PPM1G: variants seen among roughly 807,000 people sequenced by gnomAD.
PPM1G encodes protein phosphatase 1G.
Under a neutral mutation model 59.4 loss-of-function variants are expected in PPM1G, and 12 were observed. That is an observed-to-expected ratio of 0.20 (90% CI 0.13 to 0.33). The LOEUF (loss-of-function observed/expected upper bound fraction) is 0.33. Among genes scored for constraint, PPM1G ranks in the 10% least tolerant of loss-of-function variants. The probability of loss-of-function intolerance (pLI) is 1.00; values close to 1 mark genes in which losing one functional copy is unlikely to be tolerated. For missense variants in PPM1G, 392 were observed against 681.3 expected, an observed-to-expected ratio of 0.58 and a Z score of 4.73; for synonymous variants, 245 against 251.9, an observed-to-expected ratio of 0.97 and a Z score of 0.26.
chr2:27,390,217 A>G (rs1204360263), intron 1 of PPM1G, among the ~76,000 whole-genome samples: 2 of 152,178 alleles, frequency 1.3e-5, no homozygotes, highest in Non-Finnish European at 2.9e-5. Context: ...ACGGGGCTTC[A>G]CCATGTTGCC....
Position 27,383,873 on chromosome 2 carries a change from C to A in PPM1G, c.966+79G>T. On this transcript the variant is annotated intron_variant, in intron 6 of 9. Transcript: ENST00000344034. The surrounding 1 kb of genome is among the most constrained non-coding windows in gnomAD (Gnocchi z 5.0). Reference sequence around the variant, plus strand: ...CCATCCTAAAGTATCAGGGGGATCCCCTGTCTCAAAATCAAAATTAGGGGA... The same window carrying A: ...CCATCCTAAAGTATCAGGGGGATCCACTGTCTCAAAATCAAAATTAGGGGA... 1 of 1,533,948 alleles carries A rather than the reference C, an allele frequency of 6.5e-7. No individual in the cohort carries two copies. Among genetic ancestry groups the A allele is most frequent in the Non-Finnish European group, 8.8e-7 (1 of 1,136,424 alleles).
At position 27,381,236 on chromosome 2, in the gene PPM1G, A is replaced by G. The variant is rs1683614933; in HGVS notation, c.*363T>C. On this transcript the variant is annotated 3_prime_UTR_variant, in exon 10 of 10. Coordinates refer to ENST00000344034, the MANE Select transcript of PPM1G (RefSeq NM_177983.3). ...CTTTAGTCTGAAAAAGTGTTGATTG[A>G]AAGTGTACAACAGAGAGCGGGTGCA... 3.1e-6 allele frequency: 1 copy of G among 324,100 alleles called. No homozygotes were observed. The highest frequency in any genetic ancestry group is 5.8e-6 in the Non-Finnish European group (1 of 172,450). 20.1% of individuals were successfully genotyped at this position (324,100 alleles called of 1,614,324 possible).
At chr2:27,391,114 T>C (rs1002742699) in intron 1 of PPM1G, among the ~76,000 whole-genome samples, 1 of 152,240 alleles carries the variant, frequency 6.6e-6, no homozygotes, top group African/African-American at 2.4e-5. Flanking sequence ...ATTCAATGTT[T>C]TTGCTATTGT....
rs1683618445 is a variant in PPM1G at position 27,381,308 on chromosome 2, A to G, written c.*291T>C. 4.1e-6 allele frequency: 2 copies of G among 487,944 alleles called. No individual in the cohort carries two copies. Among genetic ancestry groups the G allele is most frequent in the Non-Finnish European group, 7.4e-6 (2 of 268,964 alleles). 30.2% of individuals were successfully genotyped at this position (487,944 alleles called of 1,614,324 possible). On this transcript the variant is annotated 3_prime_UTR_variant, in exon 10 of 10. Transcript: ENST00000344034. The stretch of plus-strand genomic sequence containing the variant: ...CGCCAATAAAAAAGAATGTCCTTAA[A>G]TAAAGTTCACAGAGTAAAAACCAGA...
intron 1 of PPM1G, among the ~76,000 whole-genome samples, chr2:27,396,279 T>A (rs780882999): frequency 3.4e-4 from 52 of 151,802 alleles, no homozygotes; most frequent in Non-Finnish European, 5.4e-4. Context: ...CTCAAAAAAA[T>A]TTTTTTTAAA....
At chr2:27,393,516 C>T (rs1490194750) in intron 1 of PPM1G, 5 of 703,190 alleles carry the variant, frequency 7.1e-6, no homozygotes, top group South Asian at 1.5e-5. Flanking sequence ...GGACGAGCGC[C>T]GGGTTCCGTC....
Position 27,383,176 on chromosome 2 carries a change from G to A in PPM1G, c.1201+190C>T, listed in dbSNP as rs191948032. 7.7e-4 allele frequency among the ~76,000 whole-genome samples: 117 copies of A among 151,976 alleles called. No individual in the cohort carries two copies. The highest frequency in any genetic ancestry group is 2.5e-3 in the South Asian group (12 of 4,804). ...CATCATTCAAATGTTACATAAGATGGGTATAATGATACCTATGTATAATGA... is the reference window on the plus strand; with the variant it reads ...CATCATTCAAATGTTACATAAGATGAGTATAATGATACCTATGTATAATGA... On this transcript the variant is annotated intron_variant, in intron 7 of 9. Transcript: ENST00000344034. This position sits in a 1 kb window ranked among gnomAD's most constrained non-coding sequence, Gnocchi z 5.0.
At chr2:27,391,921 G>A (rs765975669) in intron 1 of PPM1G, among the ~76,000 whole-genome samples, 12 of 151,780 alleles carry the variant, frequency 7.9e-5, no homozygotes, top group Non-Finnish European at 1.8e-4. Context: ...TAGTAGAGAC[G>A]GGGTTTCACC....
intron 1 of PPM1G, among the ~76,000 whole-genome samples, chr2:27,402,661 T>G (rs1684207308): frequency 6.6e-6 from 1 of 151,660 alleles, no homozygotes; most frequent in African/African-American, 2.4e-5. Flanking sequence ...CACAAAAAAT[T>G]AGCCAGGCGT....
intron 1 of PPM1G, chr2:27,393,438 T>C (rs1683968276): frequency 2.0e-6 from 2 of 989,982 alleles, no homozygotes; most frequent in Admixed American, 3.9e-5. Context: ...GGCGGGGGCC[T>C]TGGGGCAGTC....
chr2:27,386,347 A>C lies in PPM1G; in HGVS notation c.191-68T>G, dbSNP rs549713729. On this transcript the variant is annotated intron_variant, in intron 2 of 9. Coordinates refer to ENST00000344034, the MANE Select transcript of PPM1G (RefSeq NM_177983.3). Reference sequence around the variant, plus strand: ...ACACATAGAAAGTGATACAATATTTATATGCCATACTGGAGTGAACCCCAA... The same window carrying C: ...ACACATAGAAAGTGATACAATATTTCTATGCCATACTGGAGTGAACCCCAA... 1.5e-5 allele frequency: 18 copies of C among 1,173,014 alleles called. No individual in the cohort carries two copies. The East Asian group carries it at 4.0e-4, about 26-fold the overall frequency. The allele number at this position is 1,173,014 out of a possible 1,614,324, so 72.7% of individuals were successfully genotyped here.
chr2:27,390,788 T>G (rs1025223150), intron 1 of PPM1G, among the ~76,000 whole-genome samples: 1 of 152,152 alleles, frequency 6.6e-6, no homozygotes, highest in Non-Finnish European at 1.5e-5. Context: ...ATAGGTAGTT[T>G]TTCAGCTGTT....
intron 1 of PPM1G, among the ~76,000 whole-genome samples, chr2:27,398,599 G>A (rs997068510): frequency 6.6e-6 from 1 of 151,208 alleles, no homozygotes; most frequent in Non-Finnish European, 1.5e-5. Context: ...CCAGGCGGAC[G>A]GATCACGAGG....
At position 27,409,510 on chromosome 2, in the gene PPM1G, G is replaced by C; in HGVS notation, c.-88C>G. 5 of 1,340,960 alleles carry C rather than the reference G, an allele frequency of 3.7e-6. No homozygotes were observed. Among genetic ancestry groups the C allele is most frequent in the Non-Finnish European group, 4.8e-6 (5 of 1,047,424 alleles). 83.1% of individuals were successfully genotyped at this position (1,340,960 alleles called of 1,614,324 possible). ...AGCCCCGGGGGTGCGCGCGGCAGGA[G>C]CAGGCCCCGCGGCGCGACCGACGCA... On this transcript the variant is annotated 5_prime_UTR_variant, in exon 1 of 10. Coordinates refer to ENST00000344034, the MANE Select transcript of PPM1G (RefSeq NM_177983.3).
At chr2:27,391,229 G>T (rs1381591589) in intron 1 of PPM1G, among the ~76,000 whole-genome samples, 1 of 152,174 alleles carries the variant, frequency 6.6e-6, no homozygotes, top group African/African-American at 2.4e-5. Context: ...TCTAATGGTA[G>T]TTCCACTCTT....
In PPM1G at chr2:27,384,611, G is replaced by T; in HGVS notation, c.825+62C>A. 2.0e-6 allele frequency: 3 copies of T among 1,524,468 alleles called. No individual in the cohort carries two copies. The highest frequency in any genetic ancestry group is 2.3e-5 in the East Asian group (1 of 44,096). The allele number at this position is 1,524,468 out of a possible 1,614,324, so 94.4% of individuals were successfully genotyped here. On this transcript the variant is annotated intron_variant, in intron 5 of 9. Transcript: ENST00000344034. This position sits in a 1 kb window ranked among gnomAD's most constrained non-coding sequence, Gnocchi z 4.8. Reference sequence around the variant, plus strand: ...GAAGGAAAGAGAGTTGAAAACTACAGACGGCAACCAAACAGGACCTCTCTG... The same window carrying T: ...GAAGGAAAGAGAGTTGAAAACTACATACGGCAACCAAACAGGACCTCTCTG...
At position 27,382,888 on chromosome 2, in the gene PPM1G, C is replaced by G. The variant is rs935482208; in HGVS notation, c.1202-283G>C. ...TAGCCCAGGCTGGAGTGTAATGGCA[C>G]GATCTCGGCTCACTACAACCTCCGC... On this transcript the variant is annotated intron_variant, in intron 7 of 9. Transcript: ENST00000344034. This position sits in a 1 kb window ranked among gnomAD's most constrained non-coding sequence, Gnocchi z 4.2. 6.6e-6 allele frequency among the ~76,000 whole-genome samples: 1 copy of G among 150,682 alleles called. No homozygotes were observed. Among genetic ancestry groups the G allele is most frequent in the Non-Finnish European group, 1.5e-5 (1 of 67,822 alleles).
At chr2:27,397,365 T>TA (rs1253577002) in intron 1 of PPM1G, among the ~76,000 whole-genome samples, 1 of 152,140 alleles carries the variant, frequency 6.6e-6, no homozygotes, top group Non-Finnish European at 1.5e-5. Flanking sequence ...ACCCTGATTC[T>TA]AAAACCAGAC....
At chr2:27,399,539 TG>T (rs1385649232) in intron 1 of PPM1G, among the ~76,000 whole-genome samples, 1 of 152,190 alleles carries the variant, frequency 6.6e-6, no homozygotes, top group Non-Finnish European at 1.5e-5. Context: ...CTGGGTGTGG[TG>T]GCATGTGCCT....
Sources: allele counts gnomAD v4.1 joint callset (sites outside exome capture counted in the v4.1 genomes callset), GRCh38; gene constraint gnomAD v4.1.1; non-coding constraint Gnocchi (gnomAD v3.1); transcripts MANE v1.5; gene names NCBI Gene and HGNC (gene_info 2026-07-23, HGNC 2026-07-21).